Variants in RARB observed in about 807,000 individuals in gnomAD.
The protein encoded by RARB is HBV-activated protein.
Under a neutral mutation model 51.9 loss-of-function variants are expected in RARB, and 17 were observed. That is an observed-to-expected ratio of 0.33 (90% CI 0.22 to 0.49). RARB has a LOEUF of 0.49. Among genes scored for constraint, RARB ranks in the 20% least tolerant of loss-of-function variants. The probability of loss-of-function intolerance (pLI) is 0.99; values close to 1 mark genes in which losing one functional copy is unlikely to be tolerated. For synonymous variants in RARB, 215 were observed against 195.4 expected (o/e 1.10, Z -0.84); for missense variants, 369 against 550.8 (o/e 0.67, Z 3.30).
At chr3:24,841,297 C>A (rs1262287919) in intron 1 of RARB, among the ~76,000 whole-genome samples, 2 of 152,156 alleles carry the variant, frequency 1.3e-5, no homozygotes, top group Non-Finnish European at 2.9e-5. Flanking sequence ...TGCTATAGCT[C>A]CAGAAATAGT....
intron 2 of RARB, among the ~76,000 whole-genome samples, chr3:25,492,538 C>T (rs2125593830): frequency 6.6e-6 from 1 of 152,282 alleles, no homozygotes; most frequent in South Asian, 2.1e-4. Flanking sequence ...TTGGTATTCT[C>T]AGGGAGTTTT....
intron 3 of RARB, among the ~76,000 whole-genome samples, chr3:25,561,503 T>C (rs1014313590): frequency 8.6e-5 from 13 of 151,984 alleles, no homozygotes; most frequent in African/African-American, 2.9e-4. Flanking sequence ...CTGGGCTCTC[T>C]ACTGGGTAGG....
chr3:25,443,766 T>C (rs769583848), intron 1 of RARB, among the ~76,000 whole-genome samples: 7 of 151,696 alleles, frequency 4.6e-5, no homozygotes, highest in African/African-American at 1.2e-4. Context: ...ACCCTATTTC[T>C]ACTAAAATAC....
chr3:24,968,909 T>C lies in RARB; in HGVS notation c.-379-91216T>C, dbSNP rs541683935. Among the ~76,000 whole-genome samples the C allele has an allele frequency of 6.6e-5, 10 of 152,236 alleles. No individual in the cohort carries two copies. In the East Asian group the frequency reaches 1.9e-3, roughly 29 times the overall value. On this transcript the variant is annotated intron_variant, in intron 2 of 11. Coordinates refer to the RARB transcript ENST00000383772. Reference sequence around the variant, plus strand: ...CCACAAGGGTTCTTTCAGATTCATATAAATCAATTCACGTTTATTGAATAC... The same window carrying C: ...CCACAAGGGTTCTTTCAGATTCATACAAATCAATTCACGTTTATTGAATAC...
chr3:24,972,555 G>T (rs1696423746), intron 2 of RARB, among the ~76,000 whole-genome samples: 1 of 151,890 alleles, frequency 6.6e-6, no homozygotes. Context: ...GCTTTCTGAG[G>T]AACCTCTGTA....
intron 2 of RARB, among the ~76,000 whole-genome samples, chr3:25,009,313 A>C (rs1697344865): frequency 6.6e-6 from 1 of 152,154 alleles, no homozygotes; most frequent in Non-Finnish European, 1.5e-5. Context: ...TTAATGAAGC[A>C]GTTTTCTCTT....
In RARB at chr3:25,513,627, T is replaced by TAGGTCC. The variant is rs373233690; in HGVS notation, c.448+12305_448+12310dup. Among the ~76,000 whole-genome samples the TAGGTCC allele has an allele frequency of 4.4e-3, 627 of 143,608 alleles. 5 individuals carry two copies. Among genetic ancestry groups the TAGGTCC allele is most frequent in the African/African-American group, 0.016 (574 of 36,888 alleles). 94.2% of individuals were successfully genotyped at this position (143,608 alleles called of 152,430 possible). On this transcript the variant is annotated intron_variant, in intron 3 of 7. Coordinates refer to ENST00000330688, the MANE Select transcript of RARB (RefSeq NM_000965.5). The stretch of plus-strand genomic sequence containing the variant: ...GATGTAAACAGATTAAGCTTGTAAA[T>TAGGTCC]AGGTCCTAACAGAGATTTACTTTCT...
chr3:25,464,631 A>G (rs1187965766), intron 2 of RARB, among the ~76,000 whole-genome samples: 1 of 152,154 alleles, frequency 6.6e-6, no homozygotes, highest in African/African-American at 2.4e-5. Flanking sequence ...GTAAAATACA[A>G]CAGCCAAAGA....
intron 3 of RARB, among the ~76,000 whole-genome samples, chr3:25,087,199 G>A (rs1699119937): frequency 6.6e-6 from 1 of 152,118 alleles, no homozygotes; most frequent in South Asian, 2.1e-4. Flanking sequence ...AAGGGAGGAA[G>A]GTATATTGAG....
chr3:25,133,963 T>TAAA (rs548061331), intron 4 of RARB, among the ~76,000 whole-genome samples: 10,988 of 127,242 alleles, frequency 0.086, 581 homozygotes, highest in Non-Finnish European at 0.13. Context: ...CTGTTTTCAT[T>TAAA]AAAAAAAAAA....
At chr3:24,913,064 T>C (rs1695028664) in intron 2 of RARB, among the ~76,000 whole-genome samples, 1 of 139,070 alleles carries the variant, frequency 7.2e-6, no homozygotes, top group South Asian at 2.4e-4. Flanking sequence ...CACTGCAAGC[T>C]CCGCCTCCCA....
At chr3:25,065,131 T>G (rs1450879709) in intron 3 of RARB, among the ~76,000 whole-genome samples, 2 of 152,144 alleles carry the variant, frequency 1.3e-5, no homozygotes, top group African/African-American at 4.8e-5. Context: ...CATTTTTTTT[T>G]TTTTCAGTTT....
chr3:25,291,476 CTTTT>C (rs199605013), intron 5 of RARB, among the ~76,000 whole-genome samples: 2 of 125,370 alleles, frequency 1.6e-5, no homozygotes, highest in South Asian at 2.5e-4. Context: ...CAGATGTTTG[CTTTT>C]TTTTTTTTTT....
chr3:25,116,019 A>G (rs1337401056), intron 3 of RARB, among the ~76,000 whole-genome samples: 1 of 152,180 alleles, frequency 6.6e-6, no homozygotes, highest in Non-Finnish European at 1.5e-5. Flanking sequence ...AGATGTGACT[A>G]TCTGCTTTCT....
chr3:24,918,308 T>A (rs1385970694), intron 2 of RARB, among the ~76,000 whole-genome samples: 1 of 152,228 alleles, frequency 6.6e-6, no homozygotes, highest in Non-Finnish European at 1.5e-5. Context: ...GGAGACCAGA[T>A]GTCAAAAGAC....
intron 2 of RARB, among the ~76,000 whole-genome samples, chr3:24,921,531 T>C (rs984825954): frequency 6.6e-6 from 1 of 152,168 alleles, no homozygotes; most frequent in Non-Finnish European, 1.5e-5. Context: ...CTTCTAACCA[T>C]GTGCCCTGTG....
At chr3:24,840,474 C>T (rs1311759380) in intron 1 of RARB, among the ~76,000 whole-genome samples, 2 of 152,112 alleles carry the variant, frequency 1.3e-5, no homozygotes, top group African/African-American at 4.8e-5. Flanking sequence ...TTCGTAGTGA[C>T]AGTTTTGGAC....
At chr3:25,531,388 GTAGATAGATAGATAGATAGATAGA>G (rs142863604) in intron 3 of RARB, among the ~76,000 whole-genome samples, 4 of 145,330 alleles carry the variant, frequency 2.8e-5, no homozygotes, top group African/African-American at 9.8e-5. Flanking sequence ...AGATAGATAG[GTAGATAGATAGATAGATAGATAGA>G]TAGATAGATA....
chr3:25,181,888 T>C (rs1348499859), intron 5 of RARB, among the ~76,000 whole-genome samples: 2 of 152,166 alleles, frequency 1.3e-5, no homozygotes, highest in Non-Finnish European at 2.9e-5. Flanking sequence ...TTCCACAAAC[T>C]TGTGTCAATC....
Sources: gnomAD v4.1 joint callset for allele counts (sites outside exome capture counted in the v4.1 genomes callset) on GRCh38, gnomAD v4.1.1 for gene constraint, MANE v1.5 for transcripts, NCBI Gene and HGNC (gene_info 2026-07-23, HGNC 2026-07-21) for gene names.